UNC5D: variants seen among roughly 807,000 people sequenced by gnomAD.
UNC5D encodes the protein unc-5 netrin receptor D, also known as netrin receptor UNC5D.
A neutral mutation model predicts 105.4 loss-of-function variants in UNC5D; 39 were observed. That is an observed-to-expected ratio of 0.37 (90% CI 0.29 to 0.48). The LOEUF (loss-of-function observed/expected upper bound fraction) is 0.48. Ranked by LOEUF, UNC5D falls within the 20% of genes least tolerant of loss-of-function variation. The pLI is 0.98. For missense variants in UNC5D, 991 were observed against 1,202.4 expected (o/e 0.82, Z 2.60); for synonymous variants, 452 against 450.4 (o/e 1.00, Z -0.04).
chr8:35,599,541 A>T (rs1159871089), intron 4 of UNC5D, among the ~76,000 whole-genome samples: 1 of 152,222 alleles, frequency 6.6e-6, no homozygotes, highest in Non-Finnish European at 1.5e-5. Context: ...CCAGGTGTTC[A>T]ATAAATACTT....
At chr8:35,585,980 T>C (rs1818768900) in intron 3 of UNC5D, among the ~76,000 whole-genome samples, 1 of 151,928 alleles carries the variant, frequency 6.6e-6, no homozygotes, top group Non-Finnish European at 1.5e-5. Context: ...AGTCAAGAAA[T>C]GTGCAGAGTC....
At chr8:35,619,491 GAAAA>G (rs977816979) in intron 4 of UNC5D, among the ~76,000 whole-genome samples, 3 of 151,916 alleles carry the variant, frequency 2.0e-5, no homozygotes, top group African/African-American at 7.3e-5. Flanking sequence ...CTTCCATCCT[GAAAA>G]AAAACTGGAC....
intron 3 of UNC5D, among the ~76,000 whole-genome samples, chr8:35,576,064 G>A (rs1326892291): frequency 2.6e-5 from 4 of 152,026 alleles, no homozygotes; most frequent in Non-Finnish European, 4.4e-5. Context: ...TTTACACAAA[G>A]GTACCACATA....
chr8:35,336,093 A>T (rs912246527), intron 1 of UNC5D, among the ~76,000 whole-genome samples: 1 of 152,118 alleles, frequency 6.6e-6, no homozygotes, highest in African/African-American at 2.4e-5. Flanking sequence ...GACTCTATTC[A>T]CATATTAAAA....
At chr8:35,377,455 C>T (rs1351865836) in intron 1 of UNC5D, among the ~76,000 whole-genome samples, 3 of 152,068 alleles carry the variant, frequency 2.0e-5, no homozygotes, top group Non-Finnish European at 2.9e-5. Context: ...CTGCAGGGCC[C>T]GGGATTGGGG....
intron 1 of UNC5D, among the ~76,000 whole-genome samples, chr8:35,545,651 CAA>C (rs199908875): frequency 7.7e-6 from 1 of 129,900 alleles, no homozygotes; most frequent in African/African-American, 2.8e-5. Context: ...TATACAAAGC[CAA>C]AAAAAAAAAA....
intron 1 of UNC5D, among the ~76,000 whole-genome samples, chr8:35,542,332 T>G (rs1309030718): frequency 1.3e-5 from 2 of 152,244 alleles, no homozygotes; most frequent in African/African-American, 4.8e-5. Flanking sequence ...GCAGAAAGCC[T>G]GGCTCTATTG....
At chr8:35,284,422 T>G (rs2128854071) in intron 1 of UNC5D, among the ~76,000 whole-genome samples, 1 of 152,358 alleles carries the variant, frequency 6.6e-6, no homozygotes, top group East Asian at 1.9e-4. Context: ...CTTAATGCAA[T>G]GAGTTGGAGA....
chr8:35,262,516 C>T (rs1258617191), intron 1 of UNC5D, among the ~76,000 whole-genome samples: 2 of 152,158 alleles, frequency 1.3e-5, no homozygotes, highest in African/African-American at 2.4e-5. Context: ...CTTTCCAGCA[C>T]AGTTCAATGT....
At chr8:35,355,859 C>T (rs972099804) in intron 1 of UNC5D, among the ~76,000 whole-genome samples, 3 of 152,088 alleles carry the variant, frequency 2.0e-5, no homozygotes, top group East Asian at 1.9e-4. Context: ...ACAGAGTTTT[C>T]TCCTCTTGAG....
At position 35,245,211 on chromosome 8, in the gene UNC5D, A is replaced by C. The variant is rs1803017889; in HGVS notation, c.103+9324A>C. Among the ~76,000 whole-genome samples, 3 of 152,168 alleles carry C rather than the reference A, an allele frequency of 2.0e-5. No homozygotes were observed. The East Asian group carries it at 5.8e-4, about 29-fold the overall frequency. On this transcript the variant is annotated intron_variant, in intron 1 of 16. Transcript: ENST00000404895. ...TTGTGTTCGAAAGCAGTTTAGTGGC[A>C]CAATACAATTAGACTTATAATAACA...
At chr8:35,401,475 C>T (rs561522312) in intron 1 of UNC5D, among the ~76,000 whole-genome samples, 12 of 152,252 alleles carry the variant, frequency 7.9e-5, no homozygotes, top group African/African-American at 2.9e-4. Flanking sequence ...CAGAGCAGGA[C>T]TCCATCTCAA....
chr8:35,259,741 A>T (rs1804319298), intron 1 of UNC5D, among the ~76,000 whole-genome samples: 2 of 151,124 alleles, frequency 1.3e-5, no homozygotes, highest in Non-Finnish European at 2.9e-5. Context: ...CAAAAAGCTG[A>T]CTGATCTTTT....
intron 4 of UNC5D, among the ~76,000 whole-genome samples, chr8:35,623,263 G>A (rs933535607): frequency 2.0e-5 from 3 of 152,114 alleles, no homozygotes; most frequent in Admixed American, 2.0e-4. Flanking sequence ...GGTGTGTCAA[G>A]CTTTGAGTCA....
chr8:35,377,835 T>C (rs2128929710), intron 1 of UNC5D, among the ~76,000 whole-genome samples: 1 of 152,344 alleles, frequency 6.6e-6, no homozygotes, highest in South Asian at 2.1e-4. Flanking sequence ...ATTTGCTTTA[T>C]GCACAGTTAG....
intron 1 of UNC5D, among the ~76,000 whole-genome samples, chr8:35,441,108 G>A (rs1325282321): frequency 6.6e-6 from 1 of 151,836 alleles, no homozygotes; most frequent in African/African-American, 2.4e-5. Context: ...AGTAGACCTT[G>A]ACCTAACATT....
At chr8:35,596,999 T>C (rs2130907620) in intron 4 of UNC5D, among the ~76,000 whole-genome samples, 1 of 152,274 alleles carries the variant, frequency 6.6e-6, no homozygotes, top group South Asian at 2.1e-4. Flanking sequence ...GAAACAGTGT[T>C]TAGAGCTATT....
chr8:35,746,109 G>A (rs987036379), intron 11 of UNC5D, among the ~76,000 whole-genome samples: 2 of 152,038 alleles, frequency 1.3e-5, no homozygotes, highest in African/African-American at 4.8e-5. Flanking sequence ...TCCCTGGGAT[G>A]TCATAAGATC....
At chr8:35,644,319 G>A (rs1822923614) in intron 4 of UNC5D, among the ~76,000 whole-genome samples, 1 of 152,146 alleles carries the variant, frequency 6.6e-6, no homozygotes, top group African/African-American at 2.4e-5. Context: ...TGGTGGCCAT[G>A]CTTTGAGCAC....
Sources: gnomAD v4.1 joint callset for allele counts (sites outside exome capture counted in the v4.1 genomes callset) on GRCh38, gnomAD v4.1.1 for gene constraint, MANE v1.5 for transcripts, NCBI Gene and HGNC (gene_info 2026-07-23, HGNC 2026-07-21) for gene names.